The following TENM1 variants were observed in gnomAD, a reference collection of about 807,000 sequenced individuals.
TENM1 encodes teneurin transmembrane protein 1, also known as teneurin-1.
In TENM1, 35 loss-of-function variants were observed where a neutral mutation model predicts 174.8. The observed-to-expected ratio is 0.20, with a 90% confidence interval of 0.15 to 0.27. The LOEUF (loss-of-function observed/expected upper bound fraction) is 0.27. Among genes scored for constraint, TENM1 ranks in the 10% least tolerant of loss-of-function variants. The pLI is 1.00. For synonymous variants in TENM1, 781 were observed against 798.7 expected (o/e 0.98, Z 0.37); for missense variants, 1,633 against 2,130.1 (o/e 0.77, Z 4.59).
intron 6 of TENM1, among the ~76,000 whole-genome samples, chrX:124,657,978 C>A (rs950692990): frequency 7.1e-5 from 8 of 111,993 alleles, no homozygotes; most frequent in Non-Finnish European, 1.1e-4. Flanking sequence ...GTGTGTCTCA[C>A]GATATAAGTA....
At chrX:124,563,409 A>AGTT (rs2048866737) in intron 13 of TENM1, among the ~76,000 whole-genome samples, 2 of 103,868 alleles carry the variant, frequency 1.9e-5, no homozygotes, top group African/African-American at 3.8e-5. Context: ...ATAATTATTA[A>AGTT]ATTATTAAAA....
At chrX:124,738,748 C>T (rs1440176003) in intron 3 of TENM1, among the ~76,000 whole-genome samples, 1 of 111,803 alleles carries the variant, frequency 8.9e-6, no homozygotes, top group Non-Finnish European at 1.9e-5. Flanking sequence ...ATAACCGTAA[C>T]TAGAAGTGTG....
the TENM1 span, chrX:125,203,811 A>G: frequency 8.9e-6 from 1 of 112,650 alleles, no homozygotes; most frequent in African/African-American, 3.2e-5. Context: ...TACCTATTCC[A>G]AGCGCAAGTT....
intron 11 of TENM1, among the ~76,000 whole-genome samples, chrX:124,618,212 T>G (rs765806674): frequency 9.0e-5 from 10 of 111,607 alleles, no homozygotes; most frequent in Non-Finnish European, 1.7e-4. Flanking sequence ...TATATTGGAT[T>G]ATCCATCCTA....
the TENM1 span, among the ~76,000 whole-genome samples, chrX:125,011,598 A>G: frequency 8.9e-6 from 1 of 112,248 alleles, no homozygotes; most frequent in Admixed American, 9.4e-5. Context: ...GCTCATCATC[A>G]CTGGTCACTA....
intron 23 of TENM1, among the ~76,000 whole-genome samples, chrX:124,440,208 C>T (rs774414197): frequency 8.9e-6 from 1 of 111,773 alleles, no homozygotes; most frequent in Non-Finnish European, 1.9e-5. Flanking sequence ...TAACATTAAG[C>T]AAAAATGCAT....
At chrX:125,022,286 T>C in the TENM1 span, among the ~76,000 whole-genome samples, 1 of 112,117 alleles carries the variant, frequency 8.9e-6, no homozygotes, top group African/African-American at 3.2e-5. Context: ...AAATATAACC[T>C]GAACTTTACA....
At chrX:124,521,788 T>G (rs1442943795) in intron 17 of TENM1, among the ~76,000 whole-genome samples, 1 of 112,162 alleles carries the variant, frequency 8.9e-6, no homozygotes, top group Non-Finnish European at 1.9e-5. Flanking sequence ...CTTGTGCACA[T>G]AGAAGAACTG....
intron 1 of TENM1, among the ~76,000 whole-genome samples, chrX:124,959,915 G>A (rs1394906867): frequency 9.0e-6 from 1 of 111,384 alleles, no homozygotes; most frequent in Admixed American, 9.6e-5. Flanking sequence ...CCTCTAATGC[G>A]ATTCTTAGCT....
rs187180208 is a variant in TENM1, at chrX:124,482,637, T to C, written c.3717-673A>G. ...TTTTAAAGTTATAATGGCAATCATA[T>C]GATTGTGTAATCGCATAGTTATACC... is the stretch of plus-strand genomic sequence containing the variant. On this transcript the variant is annotated intron_variant, in intron 21 of 31. Coordinates refer to ENST00000422452, the Ensembl canonical transcript of TENM1. 2.7e-5 allele frequency among the ~76,000 whole-genome samples: 3 copies of C among 112,239 alleles called. No homozygotes were observed. The East Asian group carries it at 8.4e-4, about 31-fold the overall frequency.
chrX:124,887,742 G>C lies in TENM1; in HGVS notation c.535+6554C>G, dbSNP rs1012066534. On this transcript the variant is annotated intron_variant, in intron 3 of 31. Transcript: ENST00000422452. The stretch of plus-strand genomic sequence containing the variant: ...CCTCTGATAGTGTAACATCTCCAAA[G>C]GAGCTGTTACAGAGTCAACTGCACT... 4.5e-5 allele frequency among the ~76,000 whole-genome samples: 5 copies of C among 111,118 alleles called. No individual in the cohort carries two copies. The Admixed American group carries it at 4.8e-4, about 11-fold the overall frequency.
At chrX:125,150,235 T>G in the TENM1 span, among the ~76,000 whole-genome samples, 1 of 112,296 alleles carries the variant, frequency 8.9e-6, no homozygotes, top group Non-Finnish European at 1.9e-5. Context: ...CTGTTTGATT[T>G]TTATTTTGAT....
At chrX:125,112,163 TGTGTGTGTGA>T in the TENM1 span, among the ~76,000 whole-genome samples, 1 of 104,575 alleles carries the variant, frequency 9.6e-6, no homozygotes, top group African/African-American at 3.6e-5. Flanking sequence ...TGTGTGTGTG[TGTGTGTGTGA>T]GTGAGGGGAG....
intron 1 of TENM1, among the ~76,000 whole-genome samples, chrX:124,924,955 C>T (rs998900996): frequency 1.4e-4 from 15 of 110,024 alleles, no homozygotes; most frequent in Non-Finnish European, 2.1e-4. Flanking sequence ...GCCTCAGGGC[C>T]GCTCTAGGGC....
intron 6 of TENM1, among the ~76,000 whole-genome samples, chrX:124,670,860 GTCAT>G (rs2051902453): frequency 9.0e-6 from 1 of 110,896 alleles, no homozygotes; most frequent in Non-Finnish European, 1.9e-5. Flanking sequence ...TAAGGTTTTG[GTCAT>G]TCATTCATTT....
At chrX:125,056,644 T>C in the TENM1 span, among the ~76,000 whole-genome samples, 1 of 111,025 alleles carries the variant, frequency 9.0e-6, no homozygotes, top group Non-Finnish European at 1.9e-5. Context: ...GGAGAAGATC[T>C]AAGGCAAATT....
intron 3 of TENM1, among the ~76,000 whole-genome samples, chrX:124,858,619 C>T (rs1181272704): frequency 8.9e-6 from 1 of 111,826 alleles, no homozygotes; most frequent in Non-Finnish European, 1.9e-5. Flanking sequence ...AAGCAAGCTG[C>T]TAAGCTGTGA....
exon 25 of TENM1, chrX:124,420,434 C>T (rs766690697): frequency 8.2e-7 from 1 of 1,212,127 alleles, no homozygotes. Context: ...TCCATTGCTG[C>T]TTATAGTCAG....
chrX:124,502,666 A>G (rs1052592464), intron 19 of TENM1, among the ~76,000 whole-genome samples: 1 of 112,446 alleles, frequency 8.9e-6, no homozygotes, highest in Non-Finnish European at 1.9e-5. Flanking sequence ...CTCTTAAAAA[A>G]AAATAAACTG....
Sources: gnomAD v4.1 joint callset for allele counts (sites outside exome capture counted in the v4.1 genomes callset) on GRCh38, gnomAD v4.1.1 for gene constraint, MANE v1.5 for transcripts, NCBI Gene and HGNC (gene_info 2026-07-23, HGNC 2026-07-21) for gene names.